Variants in SLC15A1 observed in about 807,000 individuals in gnomAD.
SLC15A1 encodes Caco-2 oligopeptide transporter.
In SLC15A1, 83 loss-of-function variants were observed where a neutral mutation model predicts 92.9. That is an observed-to-expected ratio of 0.89 (90% CI 0.75 to 1.07). SLC15A1 has a LOEUF of 1.07. Among genes scored for constraint, SLC15A1 ranks in the 50% least tolerant of loss-of-function variants. The probability of loss-of-function intolerance (pLI) is 0.00; values close to 1 mark genes in which losing one functional copy is unlikely to be tolerated. For synonymous variants in SLC15A1, 322 were observed against 318.2 expected, an observed-to-expected ratio of 1.01 and a Z score of -0.13; for missense variants, 857 against 880.1, an observed-to-expected ratio of 0.97 and a Z score of 0.33.
At chr13:98,697,767 A>G (rs117985954) in intron 18 of SLC15A1, among the ~76,000 whole-genome samples, 10 of 152,308 alleles carry the variant, frequency 6.6e-5, no homozygotes, top group Non-Finnish European at 1.3e-4. Flanking sequence ...TCTTGACAAG[A>G]TATTTGGCCA....
intron 18 of SLC15A1, among the ~76,000 whole-genome samples, chr13:98,690,492 T>C (rs946285342): frequency 3.9e-5 from 6 of 152,104 alleles, no homozygotes; most frequent in Admixed American, 2.0e-4. Flanking sequence ...AAGCAGAACG[T>C]TGGGCCTGAG....
Position 98,752,602 on chromosome 13 carries a change from G to A in SLC15A1, c.-4C>T. 2 of 1,256,086 alleles carry A rather than the reference G, an allele frequency of 1.6e-6. No homozygotes were observed. Among genetic ancestry groups the A allele is most frequent in the Non-Finnish European group, 2.0e-6 (2 of 1,000,336 alleles). 77.8% of individuals were successfully genotyped at this position (1,256,086 alleles called of 1,614,324 possible). A position where few individuals can be genotyped will look rare whatever the true frequency, so the allele number is the denominator to read the frequency against. On this transcript the variant is annotated 5_prime_UTR_variant, in exon 1 of 23. Coordinates refer to ENST00000376503, the MANE Select transcript of SLC15A1 (RefSeq NM_005073.4). ...CCCACCCGCCGAGCGTACCCATGGC[G>A]GCGGCTCCCAGGGCTCCTGCGACCT...
chr13:98,700,355 C>A (rs995411087), intron 18 of SLC15A1, among the ~76,000 whole-genome samples: 1 of 151,768 alleles, frequency 6.6e-6, no homozygotes, highest in African/African-American at 2.4e-5. Context: ...TGTGGTGGTA[C>A]ATGCCTGTAG....
At chr13:98,707,263 G>T (rs1356354151) in intron 15 of SLC15A1, among the ~76,000 whole-genome samples, 1 of 152,198 alleles carries the variant, frequency 6.6e-6, no homozygotes, top group African/African-American at 2.4e-5. Context: ...TGCCTGTCGG[G>T]GGTGAATGGA....
At chr13:98,718,837 C>T (rs1015551136) in intron 8 of SLC15A1, among the ~76,000 whole-genome samples, 3 of 152,124 alleles carry the variant, frequency 2.0e-5, no homozygotes, top group African/African-American at 7.2e-5. Context: ...GAGGTAGGGT[C>T]TCTCTCTGTT....
chr13:98,693,634 T>C (rs899093015), intron 18 of SLC15A1, among the ~76,000 whole-genome samples: 5 of 152,230 alleles, frequency 3.3e-5, no homozygotes, highest in Non-Finnish European at 5.9e-5. Flanking sequence ...ATCAGATATA[T>C]GATTTGTAAA....
At chr13:98,696,366 T>C (rs1277394297) in intron 18 of SLC15A1, among the ~76,000 whole-genome samples, 1 of 151,830 alleles carries the variant, frequency 6.6e-6, no homozygotes, top group Non-Finnish European at 1.5e-5. Flanking sequence ...TGAGCCAAGA[T>C]GGCACCAGTG....
intron 1 of SLC15A1, among the ~76,000 whole-genome samples, chr13:98,745,928 G>A (rs956826142): frequency 4.0e-5 from 6 of 151,888 alleles, no homozygotes; most frequent in African/African-American, 1.5e-4. Flanking sequence ...TGTTATATAG[G>A]TAACTCGTGA....
At chr13:98,750,673 T>C (rs2088537553) in intron 1 of SLC15A1, among the ~76,000 whole-genome samples, 1 of 152,090 alleles carries the variant, frequency 6.6e-6, no homozygotes, top group African/African-American at 2.4e-5. Context: ...CCTGCCTCGT[T>C]CGCCAACTGC....
chr13:98,723,931 C>G lies in SLC15A1; in HGVS notation c.346G>C (p.Asp116His), dbSNP rs145542519. The part of the protein sequence containing the change: ...LTDHNHDGTP[D>H]SLPVHVVLSL... ...ACTCACACGTGCACAGGAAGGCTGT[C>G]GGGGGTGCCATCATGGTTGTGGTCT... Residue 116 changes from aspartate (D) to histidine (H), a missense_variant, in exon 5 of 23, where the codon GAC (aspartate) becomes CAC (histidine). Transcript: ENST00000376503. The G allele has an allele frequency of 6.2e-7, 1 of 1,613,956 alleles. No homozygotes were observed. The highest frequency in any genetic ancestry group is 1.7e-5 in the Admixed American group (1 of 59,992).
intron 1 of SLC15A1, among the ~76,000 whole-genome samples, chr13:98,728,985 A>AC (rs1408963380): frequency 1.4e-5 from 2 of 144,800 alleles, no homozygotes; most frequent in Non-Finnish European, 3.0e-5. Flanking sequence ...TGTAAAAAAA[A>AC]AAAAAAAAAA....
intron 9 of SLC15A1, among the ~76,000 whole-genome samples, chr13:98,714,235 C>T (rs372126806): frequency 6.6e-6 from 1 of 151,856 alleles, no homozygotes; most frequent in South Asian, 2.1e-4. Flanking sequence ...CCCCTCTTTG[C>T]TTGGAAAAAG....
At chr13:98,717,765 T>C (rs1452053037) in intron 8 of SLC15A1, among the ~76,000 whole-genome samples, 5 of 152,176 alleles carry the variant, frequency 3.3e-5, no homozygotes, top group Admixed American at 2.0e-4. Context: ...CATGTACTAC[T>C]AAGATCTGAA....
rs545404349 is a variant in SLC15A1, at chr13:98,709,141, G to A, written c.1068-374C>T. On this transcript the variant is annotated intron_variant, in intron 14 of 22. Transcript: ENST00000376503. Reference sequence around the variant, plus strand: ...TGCCACCACACCCAGCTTATTTTTCGTATTTTTAGTAGAGATGGGAATTTG... The same window carrying A: ...TGCCACCACACCCAGCTTATTTTTCATATTTTTAGTAGAGATGGGAATTTG... 4.0e-5 allele frequency among the ~76,000 whole-genome samples: 6 copies of A among 151,772 alleles called. No individual in the cohort carries two copies. The East Asian group carries it at 7.7e-4, about 20-fold the overall frequency.
At chr13:98,705,457 A>G (rs2088105498) in intron 16 of SLC15A1, among the ~76,000 whole-genome samples, 1 of 152,062 alleles carries the variant, frequency 6.6e-6, no homozygotes, top group African/African-American at 2.4e-5. Flanking sequence ...TACAACAAAA[A>G]ATGTCTCCAG....
At chr13:98,694,989 C>G (rs2088009884) in intron 18 of SLC15A1, among the ~76,000 whole-genome samples, 1 of 134,814 alleles carries the variant, frequency 7.4e-6, no homozygotes, top group South Asian at 2.3e-4. Flanking sequence ...CCACTGCACT[C>G]CAACCGGGGT....
chr13:98,700,144 T>C lies in SLC15A1; in HGVS notation c.1466+2336A>G, dbSNP rs569845833. On this transcript the variant is annotated intron_variant, in intron 18 of 22. Coordinates refer to ENST00000376503, the MANE Select transcript of SLC15A1 (RefSeq NM_005073.4). The stretch of plus-strand genomic sequence containing the variant: ...TCCCAGTTTATAGTGAATCTTTTTA[T>C]TCTCTTCAGAGTGATATTGGCTGGG... Among the ~76,000 whole-genome samples the C allele has an allele frequency of 6.6e-5, 10 of 152,300 alleles. No individual in the cohort carries two copies. In the East Asian group the frequency reaches 1.9e-3, roughly 29 times the overall value.
At chr13:98,725,630 C>T (rs763782393) in intron 4 of SLC15A1, among the ~76,000 whole-genome samples, 1 of 152,226 alleles carries the variant, frequency 6.6e-6, no homozygotes, top group African/African-American at 2.4e-5. Flanking sequence ...ATAGATGCTG[C>T]TTGCAGTCAC....
Position 98,704,275 on chromosome 13 carries a change from C to G in SLC15A1, c.1416+14G>C, listed in dbSNP as rs2088093403. On this transcript the variant is annotated intron_variant, in intron 17 of 22. Transcript: ENST00000376503. Reference sequence around the variant, plus strand: ...AAATAGCAAAGAGTCAGCTGTAGGTCTTCACACACTTACCACCTGGTAGTG... The same window carrying G: ...AAATAGCAAAGAGTCAGCTGTAGGTGTTCACACACTTACCACCTGGTAGTG... The G allele has an allele frequency of 6.3e-7, 1 of 1,580,778 alleles. No individual in the cohort carries two copies. The highest frequency in any genetic ancestry group is 1.4e-5 in the African/African-American group (1 of 72,626).
Sources: allele counts gnomAD v4.1 joint callset (sites outside exome capture counted in the v4.1 genomes callset), GRCh38; gene constraint gnomAD v4.1.1; transcripts MANE v1.5; gene names NCBI Gene and HGNC (gene_info 2026-07-23, HGNC 2026-07-21).